Variants in BTNL8 observed in about 807,000 individuals in gnomAD.
The protein encoded by BTNL8 is butyrophilin like 8.
BTNL8 carries 22 observed loss-of-function variants against 36.1 expected under a neutral mutation model. That is an observed-to-expected ratio of 0.61 (90% CI 0.44 to 0.87). The LOEUF (loss-of-function observed/expected upper bound fraction) is 0.87. Ranked by LOEUF, BTNL8 falls within the 40% of genes least tolerant of loss-of-function variation. The probability of loss-of-function intolerance (pLI) is 0.00; values close to 1 mark genes in which losing one functional copy is unlikely to be tolerated. For missense variants in BTNL8, 526 were observed against 616.9 expected (o/e 0.85, Z 1.56); for synonymous variants, 203 against 235.6 (o/e 0.86, Z 1.27).
At position 180,935,458 on chromosome 5, in the gene BTNL8, T is replaced by G. The variant is rs1758604362; in HGVS notation, c.674-12054T>G. ...GAGGCAGAAGCTGTCATGTCAGCAC[T>G]GCCTCCAGCACATGCATACCTGGCT... On this transcript the variant is annotated intron_variant, in intron 3 of 7. Transcript: ENST00000340184. This position sits in a 1 kb window ranked among gnomAD's most constrained non-coding sequence, Gnocchi z 4.8. 6.6e-6 allele frequency among the ~76,000 whole-genome samples: 1 copy of G among 152,234 alleles called. No individual in the cohort carries two copies. Among genetic ancestry groups the G allele is most frequent in the South Asian group, 2.1e-4 (1 of 4,832 alleles).
Position 180,950,783 on chromosome 5 carries a change from C to A in BTNL8, c.*239C>A, listed in dbSNP as rs1014247660. ...TACCACCTCTCAGGTGAAGAACCGTCAGGAATTCCCATCTCACAGGCTGTG... is the reference window on the plus strand; with the variant it reads ...TACCACCTCTCAGGTGAAGAACCGTAAGGAATTCCCATCTCACAGGCTGTG... On this transcript the variant is annotated 3_prime_UTR_variant, in exon 8 of 8. Transcript: ENST00000340184. The A allele has an allele frequency of 1.4e-5, 7 of 490,510 alleles. 2 individuals carry two copies. Among genetic ancestry groups the A allele is most frequent in the Admixed American group, 3.7e-5 (1 of 27,220 alleles). The allele number at this position is 490,510 out of a possible 1,614,324, so 30.4% of individuals were successfully genotyped here.
At chr5:180,909,113 C>G (rs1757266878) in intron 2 of BTNL8, among the ~76,000 whole-genome samples, 180 bp downstream of exon 2, 1 of 152,154 alleles carries the variant, frequency 6.6e-6, no homozygotes, top group Non-Finnish European at 1.5e-5. Context: ...TGTTTAAATT[C>G]AGGTAACCAC....
At chr5:180,945,760 G>A in intron 3 of BTNL8, 1 of 501,528 alleles carries the variant, frequency 2.0e-6, no homozygotes, top group South Asian at 1.5e-5. Flanking sequence ...AGCAAGATGG[G>A]TCACCAGCAG....
At chr5:180,908,290 C>A (rs1271200667) in intron 1 of BTNL8, among the ~76,000 whole-genome samples, 1 of 151,690 alleles carries the variant, frequency 6.6e-6, no homozygotes, top group African/African-American at 2.4e-5. Flanking sequence ...GCGTCCGTCA[C>A]CCCTTTCTTT....
chr5:180,948,294 C>G (rs534522277), intron 4 of BTNL8, 61 bp from the exon 5 acceptor site: 1 of 1,463,984 alleles, frequency 6.8e-7, no homozygotes, highest in East Asian at 2.4e-5. Flanking sequence ...AAGGAGCCAG[C>G]GTCGTGTTTG....
chr5:180,944,918 T>C (rs761181151), intron 3 of BTNL8, among the ~76,000 whole-genome samples: 29 of 152,204 alleles, frequency 1.9e-4, no homozygotes, highest in Non-Finnish European at 3.7e-4. Flanking sequence ...ACAGATTCAA[T>C]ACAGTCTCTC....
At chr5:180,941,117 G>GAAGGAAGGA (rs1758920804) in intron 3 of BTNL8, among the ~76,000 whole-genome samples, 1 of 85,732 alleles carries the variant, frequency 1.2e-5, no homozygotes, top group Admixed American at 1.4e-4. Flanking sequence ...AGGGAGGAAG[G>GAAGGAAGGA]AAGGAAGGAA....
At chr5:180,899,988 A>G (rs1418316745) in intron 1 of BTNL8, among the ~76,000 whole-genome samples, 1 of 152,182 alleles carries the variant, frequency 6.6e-6, no homozygotes, top group Admixed American at 6.5e-5. Context: ...GCCACAGAAG[A>G]TTCGATTGAC....
Position 180,949,355 on chromosome 5 carries a change from G to C in BTNL8, c.862+90G>C, listed in dbSNP as rs576728326. The stretch of plus-strand genomic sequence containing the variant: ...ACAGGGACAGATACGGGAACACAGA[G>C]TGATGCTGAGACCCATCCTGCCTGC... On this transcript the variant is annotated intron_variant, in intron 7 of 7. Coordinates refer to ENST00000340184, the MANE Select transcript of BTNL8 (RefSeq NM_001040462.3). The C allele has an allele frequency of 1.8e-5, 26 of 1,441,204 alleles. 7 individuals carry two copies. The East Asian group carries it at 6.0e-4, about 33-fold the overall frequency. 89.3% of individuals were successfully genotyped at this position (1,441,204 alleles called of 1,614,324 possible). A position where few individuals can be genotyped will look rare whatever the true frequency, so the allele number is the denominator to read the frequency against.
At chr5:180,947,286 A>G (rs776966365) in intron 3 of BTNL8, among the ~76,000 whole-genome samples, 2 of 152,220 alleles carry the variant, frequency 1.3e-5, no homozygotes, top group Non-Finnish European at 2.9e-5. Context: ...GTGTAAAGGA[A>G]TGTCCATTCA....
At chr5:180,939,724 C>T (rs189438330) in intron 3 of BTNL8, among the ~76,000 whole-genome samples, 71 of 152,260 alleles carry the variant, frequency 4.7e-4, no homozygotes, top group Non-Finnish European at 9.1e-4. Flanking sequence ...ATTTATTGTA[C>T]CCTATACACC....
chr5:180,899,218 G>T lies in BTNL8; in HGVS notation c.-93G>T. The T allele has an allele frequency of 6.7e-7, 1 of 1,490,944 alleles. No homozygotes were observed. The highest frequency in any genetic ancestry group is 2.3e-5 in the East Asian group (1 of 44,254). The allele number at this position is 1,490,944 out of a possible 1,614,324, so 92.4% of individuals were successfully genotyped here. ...CCTCTCCGTGGCTTCCGCACCTTGA[G>T]CATTAGGCCAGTTCTCCTCTTCTCT... On this transcript the variant is annotated 5_prime_UTR_variant, in exon 1 of 8. Transcript: ENST00000340184.
intron 3 of BTNL8, among the ~76,000 whole-genome samples, chr5:180,941,230 C>T (rs1442719315): frequency 2.6e-5 from 4 of 152,100 alleles, no homozygotes; most frequent in Non-Finnish European, 5.9e-5. Context: ...ACACATGGAA[C>T]ATACTAAAAT....
intron 3 of BTNL8, among the ~76,000 whole-genome samples, chr5:180,927,352 A>G (rs1246949161): frequency 6.6e-6 from 1 of 152,248 alleles, no homozygotes; most frequent in Non-Finnish European, 1.5e-5. Flanking sequence ...CCAAAGGTAG[A>G]TAAATCCATG....
intron 3 of BTNL8, among the ~76,000 whole-genome samples, chr5:180,918,006 G>C (rs1484767850): frequency 1.4e-5 from 2 of 147,794 alleles, no homozygotes; most frequent in Non-Finnish European, 3.0e-5. Context: ...TCCAGCCTGG[G>C]TGACAGAGTG....
At chr5:180,921,660 T>C (rs1024758893) in intron 3 of BTNL8, among the ~76,000 whole-genome samples, 14 of 146,210 alleles carry the variant, frequency 9.6e-5, no homozygotes, top group Non-Finnish European at 1.8e-4. Context: ...CTGCTCATAC[T>C]ACACACACAC....
intron 3 of BTNL8, among the ~76,000 whole-genome samples, chr5:180,933,405 A>T (rs902263124): frequency 2.0e-5 from 3 of 152,238 alleles, no homozygotes; most frequent in Non-Finnish European, 4.4e-5. Flanking sequence ...CTTAGGCCAC[A>T]TAAAAAGTTT....
chr5:180,939,301 C>T (rs1461040826), intron 3 of BTNL8, among the ~76,000 whole-genome samples: 2 of 151,692 alleles, frequency 1.3e-5, no homozygotes, highest in African/African-American at 2.4e-5. Context: ...TTATATGGTG[C>T]CCAGAAGAAA....
intron 3 of BTNL8, among the ~76,000 whole-genome samples, chr5:180,929,306 C>A (rs185300352): frequency 2.3e-3 from 346 of 152,186 alleles, no homozygotes; most frequent in African/African-American, 8.0e-3. Flanking sequence ...TGGGACACAG[C>A]TAAAGCACTG....
Sources: gnomAD v4.1 joint callset for allele counts (sites outside exome capture counted in the v4.1 genomes callset) on GRCh38, gnomAD v4.1.1 for gene constraint, Gnocchi (gnomAD v3.1) non-coding constraint, MANE v1.5 for transcripts, NCBI Gene and HGNC (gene_info 2026-07-23, HGNC 2026-07-21) for gene names.